Variants in USP9Y observed in about 807,000 individuals in gnomAD.
USP9Y encodes ubiquitin specific peptidase 9 Y-linked, also known as ubiquitin carboxyl-terminal hydrolase 9Y.
In USP9Y, 41 loss-of-function variants were observed where a neutral mutation model predicts 53.1. The observed-to-expected ratio is 0.77, with a 90% CI of 0.60 to 1.00. The LOEUF (loss-of-function observed/expected upper bound fraction) is 1.00. Ranked by LOEUF, USP9Y falls within the 50% of genes least tolerant of loss-of-function variation. USP9Y has a pLI of 0.00. For missense variants in USP9Y, 567 were observed against 535.8 expected (o/e 1.06, Z -0.58); for synonymous variants, 220 against 173.7 (o/e 1.27, Z -2.09).
chrY:12,726,063 G>A (rs2053441915), intron 6 of USP9Y, among the ~76,000 whole-genome samples: 1 of 33,616 alleles, frequency 3.0e-5, no homozygotes, highest in African/African-American at 1.2e-4. Flanking sequence ...TTAACCAAAA[G>A]TTATGAATCA....
At chrY:12,726,029 C>T in intron 6 of USP9Y, among the ~76,000 whole-genome samples, 1 of 33,688 alleles carries the variant, frequency 3.0e-5, no homozygotes, top group Non-Finnish European at 7.4e-5. Context: ...CTTCAGGCCT[C>T]TGGTTCTTTT....
chrY:12,814,396 C>T, intron 31 of USP9Y, among the ~76,000 whole-genome samples: 4 of 25,573 alleles, frequency 1.6e-4, no homozygotes, highest in Admixed American at 1.4e-3. Flanking sequence ...GGCGTAGTGG[C>T]GGGCGCCTGT....
intron 7 of USP9Y, 71 bp downstream of exon 7, chrY:12,726,864 A>T: frequency 3.9e-6 from 1 of 257,746 alleles, no homozygotes; most frequent in African/African-American, 7.3e-5. Context: ...ACCATTAGTG[A>T]TGTGAACCTG....
intron 12 of USP9Y, among the ~76,000 whole-genome samples, chrY:12,744,133 C>G (rs780261195): frequency 3.0e-5 from 1 of 33,623 alleles, no homozygotes; most frequent in Admixed American, 2.7e-4. Flanking sequence ...GAAAAAAGCT[C>G]TCTTCAGCAG....
chrY:12,714,617 T>G, intron 3 of USP9Y, among the ~76,000 whole-genome samples: 1 of 25,338 alleles, frequency 3.9e-5, no homozygotes, highest in Non-Finnish European at 9.4e-5. Flanking sequence ...ATTTTTGTGT[T>G]TTTTTTTTTT....
intron 15 of USP9Y, among the ~76,000 whole-genome samples, chrY:12,768,432 G>A: frequency 3.4e-5 from 1 of 29,149 alleles, no homozygotes; most frequent in Non-Finnish European, 8.0e-5. Context: ...CCTCAGCCTT[G>A]TGAGTAGCTG....
intron 11 of USP9Y, among the ~76,000 whole-genome samples, chrY:12,738,531 G>T (rs370317248): frequency 7.2e-4 from 23 of 31,862 alleles, no homozygotes; most frequent in East Asian, 4.0e-3. Context: ...AGTTTTTTTG[G>T]TTTTTTTTGT....
intron 19 of USP9Y, 82 bp from the exon 20 acceptor site, chrY:12,777,937 G>T: frequency 4.4e-6 from 1 of 229,698 alleles, no homozygotes; most frequent in Non-Finnish European, 6.8e-6. Context: ...AAATTTTCAG[G>T]GTTTTTTTTA....
intron 6 of USP9Y, among the ~76,000 whole-genome samples, 181 bp from the exon 7 acceptor site, chrY:12,726,394 T>C: frequency 5.9e-5 from 2 of 33,981 alleles, no homozygotes; most frequent in African/African-American, 2.3e-4. Flanking sequence ...TGCAAATTTA[T>C]GAAATAAATA....
chrY:12,733,032 C>T, intron 7 of USP9Y, among the ~76,000 whole-genome samples: 1 of 30,670 alleles, frequency 3.3e-5, no homozygotes, highest in Non-Finnish European at 7.8e-5. Flanking sequence ...TTCCTCAGCT[C>T]CCCCTGGCCC....
At chrY:12,760,747 C>A in intron 15 of USP9Y, 130 bp downstream of exon 15, 4 of 225,206 alleles carry the variant, frequency 1.8e-5, no homozygotes, top group Non-Finnish European at 2.8e-5. Flanking sequence ...CTTCATATTG[C>A]ATTCACTTAA....
chrY:12,825,298 T>C, intron 33 of USP9Y, among the ~76,000 whole-genome samples: 1 of 33,077 alleles, frequency 3.0e-5, no homozygotes, highest in African/African-American at 1.2e-4. Context: ...TATGTGTGTG[T>C]GAGCATTGAT....
chrY:12,843,109 C>A lies in USP9Y; in HGVS notation c.6484C>A (p.Leu2162Ile). 2.5e-6 allele frequency: 1 copy of A among 396,339 alleles called. No homozygotes were observed. Among genetic ancestry groups the A allele is most frequent in the Non-Finnish European group, 3.6e-6 (1 of 281,367 alleles). The change falls in exon 39 of 46, where the codon CTA becomes ATA. Residue 2162 changes from leucine (L) to isoleucine (I), a missense_variant. Leu to Ile is a conservative substitution (Grantham distance 5, BLOSUM62 2). Transcript: ENST00000338981. ...GAGTGACCACTTACTAAGAGCCACA[C>A]TAAATCTCTTGAGAAGGGAAGTTTC... ...SLSDHLLRATLNLLRREVSEH... is the reference protein window; with the variant it reads ...SLSDHLLRATINLLRREVSEH...
At chrY:12,733,954 T>C (rs2053449332) in intron 7 of USP9Y, among the ~76,000 whole-genome samples, 1 of 33,744 alleles carries the variant, frequency 3.0e-5, no homozygotes, top group African/African-American at 1.2e-4. Flanking sequence ...GTATTTGTCT[T>C]TCTTGAGACT....
At chrY:12,721,113 T>C in intron 4 of USP9Y, 1 of 55,283 alleles carries the variant, frequency 1.8e-5, no homozygotes, top group Admixed American at 2.1e-4. Context: ...AGAACTTTTC[T>C]CACTTGTGGA....
chrY:12,815,461 C>T, intron 31 of USP9Y, among the ~76,000 whole-genome samples: 1 of 33,715 alleles, frequency 3.0e-5, no homozygotes, highest in Admixed American at 2.7e-4. Context: ...CTGCTGACCC[C>T]GTGATCTGCC....
Position 12,781,703 on chromosome Y carries a change from C to T in USP9Y, c.3151+2057C>T, listed in dbSNP as rs574850212. On this transcript the variant is annotated intron_variant, in intron 22 of 45. Transcript: ENST00000338981. ...TAGATTTTGTCTCAAGAAACCACTT[C>T]GTTTGCTCAGCCATGTGAAGCAAGT... Among the ~76,000 whole-genome samples the T allele has an allele frequency of 2.4e-4, 8 of 33,004 alleles. No individual in the cohort carries two copies. The East Asian group carries it at 4.7e-3, about 19-fold the overall frequency. The allele number at this position is 33,004 out of a possible 37,273, so 88.5% of individuals were successfully genotyped here.
At chrY:12,784,146 C>T in intron 22 of USP9Y, among the ~76,000 whole-genome samples, 1 of 33,116 alleles carries the variant, frequency 3.0e-5, no homozygotes, top group Non-Finnish European at 7.5e-5. Context: ...TAAGTATGCA[C>T]AAAATGAAAA....
At chrY:12,800,380 G>A in intron 27 of USP9Y, among the ~76,000 whole-genome samples, 1 of 33,732 alleles carries the variant, frequency 3.0e-5, no homozygotes, top group African/African-American at 1.2e-4. Context: ...AAGACCCACC[G>A]CTAACAGAGA....
Sources: gnomAD v4.1 joint callset for allele counts (sites outside exome capture counted in the v4.1 genomes callset) on GRCh38, gnomAD v4.1.1 for gene constraint, MANE v1.5 for transcripts, NCBI Gene and HGNC (gene_info 2026-07-23, HGNC 2026-07-21) for gene names.